ZNF793: variants seen among roughly 807,000 people sequenced by gnomAD.
ZNF793 encodes the protein zinc finger protein 793.
Under a neutral mutation model 12.4 loss-of-function variants are expected in ZNF793, and 5 were observed. The ratio of observed to expected loss-of-function variants is 0.40; its 90% confidence interval spans 0.21 to 0.84. The LOEUF is 0.84. Ranked by LOEUF, ZNF793 falls within the 40% of genes least tolerant of loss-of-function variation. ZNF793 has a pLI of 0.35. For missense variants in ZNF793, 456 were observed against 495.0 expected, an observed-to-expected ratio of 0.92 and a Z score of 0.75; for synonymous variants, 162 against 172.4, an observed-to-expected ratio of 0.94 and a Z score of 0.47.
chr19:37,514,733 A>G (rs2042318321), intron 2 of ZNF793, among the ~76,000 whole-genome samples: 1 of 152,180 alleles, frequency 6.6e-6, no homozygotes. Flanking sequence ...AAAGAAAACC[A>G]TAGCCCAACC....
At chr19:37,533,496 C>T (rs1331602479) in intron 7 of ZNF793, 93 bp downstream of exon 7, 1 of 1,079,894 alleles carries the variant, frequency 9.3e-7, no homozygotes, top group Admixed American at 2.0e-5. Flanking sequence ...CCTTGAAAGT[C>T]CTCCGAGAGC....
chr19:37,524,415 G>A (rs2042398363), intron 5 of ZNF793, among the ~76,000 whole-genome samples: 1 of 152,030 alleles, frequency 6.6e-6, no homozygotes, highest in Non-Finnish European at 1.5e-5. Flanking sequence ...GGACATTTGG[G>A]TAATTTTCAG....
intron 2 of ZNF793, among the ~76,000 whole-genome samples, chr19:37,515,393 C>T (rs1277637303): frequency 2.0e-5 from 3 of 151,876 alleles, no homozygotes; most frequent in African/African-American, 7.3e-5. Flanking sequence ...CTGCAAGCTC[C>T]GCTTCCCGGG....
chr19:37,516,043 G>A (rs76985624), intron 2 of ZNF793, among the ~76,000 whole-genome samples: 4,203 of 151,472 alleles, frequency 0.028, 209 homozygotes, highest in African/African-American at 0.095. Flanking sequence ...TAGAGGCTAC[G>A]ACCTAAGAGG....
chr19:37,537,441 G>GA lies in ZNF793; in HGVS notation c.786dup (p.Ala263SerfsTer5). The GA allele has an allele frequency of 6.2e-7, 1 of 1,613,614 alleles. No homozygotes were observed. The highest frequency in any genetic ancestry group is 8.5e-7 in the Non-Finnish European group (1 of 1,179,684). ...AGCCTTATGGCTGCACTGACTGTGG[G>GA]AAAGCCTTTTCACATAAGTCAACCC... is the stretch of plus-strand genomic sequence containing the variant. On this transcript the variant is annotated frameshift_variant, in exon 8 of 8. Transcript: ENST00000627814. LOFTEE classifies it low-confidence loss of function (END_TRUNC).
chr19:37,526,762 G>A (rs933203706), intron 5 of ZNF793, among the ~76,000 whole-genome samples: 2 of 152,190 alleles, frequency 1.3e-5, no homozygotes, highest in African/African-American at 4.8e-5. Context: ...GAGGTCTGCA[G>A]CCTCCTGAGA....
intron 2 of ZNF793, among the ~76,000 whole-genome samples, chr19:37,510,502 T>G (rs187463454): frequency 4.8e-5 from 6 of 124,718 alleles, no homozygotes; most frequent in East Asian, 2.4e-4. Context: ...GCAACAAGAG[T>G]GAAACTCCAT....
At chr19:37,536,761 G>A (rs1461289555) in intron 7 of ZNF793, 136 bp from the exon 8 acceptor site, 3 of 927,554 alleles carry the variant, frequency 3.2e-6, no homozygotes, top group Non-Finnish European at 4.8e-6. Flanking sequence ...TTTACTCATA[G>A]AACACTCTTC....
At position 37,538,597 on chromosome 19, in the gene ZNF793, G is replaced by T. The variant is rs4803214; in HGVS notation, c.*718G>T. The T allele has an allele frequency of 1.3e-5, 2 of 151,102 alleles. No individual in the cohort carries two copies. The highest frequency in any genetic ancestry group is 1.3e-4 in the Admixed American group (2 of 15,164). 9.4% of individuals were successfully genotyped at this position (151,102 alleles called of 1,614,324 possible). A position where few individuals can be genotyped will look rare whatever the true frequency, so the allele number is the denominator to read the frequency against. ...GTTGGGATTACAGGCATGAGCCAAC[G>T]CGCCCAACCGACAGTGTTGTATCAT... On this transcript the variant is annotated 3_prime_UTR_variant, in exon 8 of 8. Transcript: ENST00000627814.
intron 5 of ZNF793, among the ~76,000 whole-genome samples, chr19:37,526,826 G>A (rs1385024922): frequency 6.6e-6 from 1 of 152,184 alleles, no homozygotes; most frequent in Non-Finnish European, 1.5e-5. Context: ...TCTTTCCTTC[G>A]GCCACTCCTG....
At chr19:37,536,581 A>G (rs1600423407) in intron 7 of ZNF793, 1 of 408,400 alleles carries the variant, frequency 2.4e-6, no homozygotes, top group East Asian at 3.5e-5. Context: ...ATGGCGGGAG[A>G]GTTGAGTCAT....
At chr19:37,533,540 C>T in intron 7 of ZNF793, 137 bp downstream of exon 7, 1 of 676,664 alleles carries the variant, frequency 1.5e-6, no homozygotes, top group Non-Finnish European at 2.6e-6. Flanking sequence ...AACCTCCATG[C>T]AACCCCACCG....
chr19:37,516,826 A>C (rs994021968), intron 2 of ZNF793, among the ~76,000 whole-genome samples: 2 of 151,914 alleles, frequency 1.3e-5, no homozygotes, highest in Admixed American at 1.3e-4. Context: ...TTGTATTTTT[A>C]GTAGAGATGG....
At chr19:37,523,873 C>A (rs1421311774) in intron 5 of ZNF793, among the ~76,000 whole-genome samples, 5 of 152,002 alleles carry the variant, frequency 3.3e-5, no homozygotes, top group African/African-American at 1.2e-4. Flanking sequence ...AAGCCGGCCG[C>A]TAGGGGTAGC....
At chr19:37,529,995 T>G (rs2042445325) in intron 5 of ZNF793, among the ~76,000 whole-genome samples, 1 of 151,826 alleles carries the variant, frequency 6.6e-6, no homozygotes, top group Non-Finnish European at 1.5e-5. Context: ...TCTTGGGTGT[T>G]TCTCGGTGAG....
chr19:37,513,360 T>C (rs1349381469), intron 2 of ZNF793, among the ~76,000 whole-genome samples: 6 of 152,238 alleles, frequency 3.9e-5, no homozygotes, highest in Non-Finnish European at 8.8e-5. Context: ...GTATTTATTG[T>C]AGAAGCTTTC....
chr19:37,525,511 A>G (rs2042408403), intron 5 of ZNF793, among the ~76,000 whole-genome samples: 1 of 139,556 alleles, frequency 7.2e-6, no homozygotes, highest in Non-Finnish European at 1.5e-5. Context: ...ATCTCGGCTC[A>G]CTGCAAGCTC....
chr19:37,519,734 C>G (rs2042360783), intron 2 of ZNF793, among the ~76,000 whole-genome samples: 1 of 152,106 alleles, frequency 6.6e-6, no homozygotes, highest in South Asian at 2.1e-4. Flanking sequence ...TATCTTTCTC[C>G]ATTGGAAATC....
Position 37,541,162 on chromosome 19 carries a change from A to G in ZNF793, c.*3283A>G, listed in dbSNP as rs1295952863. On this transcript the variant is annotated 3_prime_UTR_variant, in exon 8 of 8. Coordinates refer to ENST00000627814, the MANE Select transcript of ZNF793 (RefSeq NM_001013659.3). ...AAGGTGAAATCTGAAACCACAGGGG[A>G]AAAGAGTAGTTTACTTAAAAAGAAT... is the stretch of plus-strand genomic sequence containing the variant. 6.9e-6 allele frequency: 1 copy of G among 145,550 alleles called. No homozygotes were observed. The highest frequency in any genetic ancestry group is 1.5e-5 in the Non-Finnish European group (1 of 66,814). The allele number at this position is 145,550 out of a possible 1,614,324, so 9.0% of individuals were successfully genotyped here.
Sources: allele counts gnomAD v4.1 joint callset (sites outside exome capture counted in the v4.1 genomes callset), GRCh38; gene constraint gnomAD v4.1.1; transcripts MANE v1.5; gene names NCBI Gene and HGNC (gene_info 2026-07-23, HGNC 2026-07-21).